The following MNAT1 variants were observed in gnomAD, a reference collection of about 807,000 sequenced individuals.
MNAT1 encodes the protein MNAT1 component of CDK activating kinase.
A neutral mutation model predicts 42.0 loss-of-function variants in MNAT1; 43 were observed. That is an observed-to-expected ratio of 1.02 (90% CI 0.80 to 1.32). The LOEUF (loss-of-function observed/expected upper bound fraction) is 1.32, where lower values mean the gene tolerates loss of function less well. Ranked by LOEUF, MNAT1 falls within the 40% of genes most tolerant of loss-of-function variation. The pLI is 0.00. For missense variants in MNAT1, 306 were observed against 350.4 expected, an observed-to-expected ratio of 0.87 and a Z score of 1.01; for synonymous variants, 118 against 120.0, an observed-to-expected ratio of 0.98 and a Z score of 0.11.
At chr14:60,749,669 C>T (rs1226331960) in intron 1 of MNAT1, among the ~76,000 whole-genome samples, 3 of 152,048 alleles carry the variant, frequency 2.0e-5, no homozygotes, top group Admixed American at 2.0e-4. Flanking sequence ...TAAATTTACT[C>T]TATAAAGAGT....
chr14:60,798,415 A>G (rs2139330454), intron 3 of MNAT1, among the ~76,000 whole-genome samples: 1 of 152,310 alleles, frequency 6.6e-6, no homozygotes, highest in Admixed American at 6.5e-5. Context: ...CTGGGGAGGA[A>G]GACTATATGG....
intron 6 of MNAT1, among the ~76,000 whole-genome samples, chr14:60,854,689 G>T (rs2033911240): frequency 6.6e-6 from 1 of 152,174 alleles, no homozygotes; most frequent in East Asian, 1.9e-4. Context: ...TCCCAGAGGG[G>T]CACCGACCTG....
At chr14:60,933,909 A>G (rs2035939243) in intron 7 of MNAT1, among the ~76,000 whole-genome samples, 1 of 152,228 alleles carries the variant, frequency 6.6e-6, no homozygotes, top group South Asian at 2.1e-4. Flanking sequence ...TTAACCTAAA[A>G]AAAGACACTA....
chr14:60,743,684 A>T (rs932743949), intron 1 of MNAT1, among the ~76,000 whole-genome samples: 4 of 152,332 alleles, frequency 2.6e-5, no homozygotes, highest in Admixed American at 2.6e-4. Flanking sequence ...TGTTTGAAGG[A>T]TATTTTTGCT....
At chr14:60,930,488 A>G (rs1416514549) in intron 7 of MNAT1, among the ~76,000 whole-genome samples, 4 of 152,084 alleles carry the variant, frequency 2.6e-5, no homozygotes, top group African/African-American at 9.7e-5. Flanking sequence ...TATTAAATGT[A>G]ATTGTGCTGG....
At chr14:60,889,563 A>G (rs2034781214) in intron 7 of MNAT1, among the ~76,000 whole-genome samples, 1 of 152,182 alleles carries the variant, frequency 6.6e-6, no homozygotes, top group African/African-American at 2.4e-5. Flanking sequence ...TGTCTAAAAC[A>G]CCAAAAAAAA....
At chr14:60,859,519 A>T (rs1594809639) in intron 6 of MNAT1, among the ~76,000 whole-genome samples, 1 of 152,314 alleles carries the variant, frequency 6.6e-6, no homozygotes, top group East Asian at 1.9e-4. Context: ...AGATGAAAAA[A>T]ATTGGCCCAG....
At chr14:60,735,421 C>G (rs1896276683) in intron 1 of MNAT1, among the ~76,000 whole-genome samples, 1 of 152,146 alleles carries the variant, frequency 6.6e-6, no homozygotes, top group Admixed American at 6.5e-5. Context: ...CCCACTTGTC[C>G]TGATGGAGTT....
intron 7 of MNAT1, among the ~76,000 whole-genome samples, chr14:60,938,935 T>C (rs563784576): frequency 1.3e-5 from 2 of 152,342 alleles, no homozygotes; most frequent in African/African-American, 4.8e-5. Context: ...ATTCAGAGAT[T>C]CAACTTCTTC....
intron 1 of MNAT1, among the ~76,000 whole-genome samples, chr14:60,765,024 G>T (rs2030757471): frequency 6.6e-6 from 1 of 152,176 alleles, no homozygotes; most frequent in Non-Finnish European, 1.5e-5. Context: ...GCTGAGGCGG[G>T]TGGATCACCT....
intron 3 of MNAT1, among the ~76,000 whole-genome samples, chr14:60,801,216 G>C (rs1038351903): frequency 3.3e-5 from 5 of 151,764 alleles, no homozygotes; most frequent in African/African-American, 1.2e-4. Context: ...AAAATGTTGA[G>C]CATGTTGGAG....
chr14:60,772,010 C>G (rs1211682786), intron 1 of MNAT1, among the ~76,000 whole-genome samples: 1 of 152,146 alleles, frequency 6.6e-6, no homozygotes, highest in Admixed American at 6.5e-5. Flanking sequence ...TTCAGTTGTA[C>G]TGGAAGGTTT....
In MNAT1 at chr14:60,936,530, C is replaced by A. The variant is rs372478802; in HGVS notation, c.810-31699C>A. Among the ~76,000 whole-genome samples, 36 of 152,138 alleles carry A rather than the reference C, an allele frequency of 2.4e-4. No homozygotes were observed. The East Asian group carries it at 7.0e-3, about 29-fold the overall frequency. On this transcript the variant is annotated intron_variant, in intron 7 of 7. Coordinates refer to ENST00000261245, the MANE Select transcript of MNAT1 (RefSeq NM_002431.4). ...TGAGAATGATGGTTTCCAGCTTCAT[C>A]CATGTCCCTACAAAGGACATGAACT...
chr14:60,812,866 T>C (rs1594772476), intron 5 of MNAT1, among the ~76,000 whole-genome samples: 1 of 152,194 alleles, frequency 6.6e-6, no homozygotes, highest in African/African-American at 2.4e-5. Context: ...AATAAAATTA[T>C]CACCTTCGCC....
intron 1 of MNAT1, chr14:60,780,330 A>G (rs2031412698): frequency 1.3e-6 from 2 of 1,569,140 alleles, no homozygotes; most frequent in East Asian, 2.2e-5. Flanking sequence ...GCACCCAGAG[A>G]AAAGTCTCAG....
At chr14:60,769,399 G>T (rs1436761650) in intron 1 of MNAT1, among the ~76,000 whole-genome samples, 1 of 152,036 alleles carries the variant, frequency 6.6e-6, no homozygotes, top group Non-Finnish European at 1.5e-5. Context: ...AGCCTCCCAT[G>T]TAGCTGGGAC....
At chr14:60,871,199 A>G (rs1360882902) in intron 6 of MNAT1, among the ~76,000 whole-genome samples, 1 of 152,228 alleles carries the variant, frequency 6.6e-6, no homozygotes, top group Non-Finnish European at 1.5e-5. Context: ...ATTGGTGGAC[A>G]TTTAGATTGT....
chr14:60,736,938 T>C (rs1283890666), intron 1 of MNAT1, among the ~76,000 whole-genome samples: 1 of 152,162 alleles, frequency 6.6e-6, no homozygotes, highest in Non-Finnish European at 1.5e-5. Flanking sequence ...ACAGGACTTA[T>C]TTGGCCTGCT....
chr14:60,746,812 G>T lies in MNAT1; in HGVS notation c.89+11861G>T, dbSNP rs1158267977. ...TAGTTCTTTAAAACTATGTTTACAA[G>T]ATATTTACTAATTATATTATTTGTA... On this transcript the variant is annotated intron_variant, in intron 1 of 7. Coordinates refer to ENST00000261245, the MANE Select transcript of MNAT1 (RefSeq NM_002431.4). Among the ~76,000 whole-genome samples, 3 of 145,236 alleles carry T rather than the reference G, an allele frequency of 2.1e-5. No individual in the cohort carries two copies. In the East Asian group the frequency reaches 6.0e-4, roughly 29 times the overall value.
Sources: allele counts gnomAD v4.1 joint callset (sites outside exome capture counted in the v4.1 genomes callset), GRCh38; gene constraint gnomAD v4.1.1; transcripts MANE v1.5; gene names NCBI Gene and HGNC (gene_info 2026-07-23, HGNC 2026-07-21).